Variants in IL1RAPL2 observed in about 807,000 individuals in gnomAD.
IL1RAPL2 encodes interleukin 1 receptor accessory protein like 2, also known as X-linked interleukin-1 receptor accessory protein-like 2.
Under a neutral mutation model 44.1 loss-of-function variants are expected in IL1RAPL2, and 3 were observed. The observed-to-expected ratio is 0.07, with a 90% CI of 0.03 to 0.18. IL1RAPL2 has a LOEUF of 0.18. IL1RAPL2 is among the 10% of genes least tolerant of loss of function. The pLI, the probability that IL1RAPL2 is intolerant of heterozygous loss-of-function variation, is 1.00. For synonymous variants in IL1RAPL2, 181 were observed against 178.8 expected (o/e 1.01, Z -0.10); for missense variants, 391 against 496.4 (o/e 0.79, Z 2.02).
At chrX:104,886,921 C>T (rs1923264745) in intron 2 of IL1RAPL2, among the ~76,000 whole-genome samples, 1 of 112,162 alleles carries the variant, frequency 8.9e-6, no homozygotes, top group Admixed American at 9.5e-5. Context: ...TTGGAAACCT[C>T]ATGCAAGCAG....
intron 2 of IL1RAPL2, among the ~76,000 whole-genome samples, chrX:104,903,715 C>T (rs990839893): frequency 9.1e-6 from 1 of 110,269 alleles, no homozygotes; most frequent in Admixed American, 9.7e-5. Context: ...GTAGCTGGGA[C>T]TACAGGCACG....
intron 2 of IL1RAPL2, among the ~76,000 whole-genome samples, chrX:104,828,912 G>A (rs188595321): frequency 1.6e-4 from 18 of 112,515 alleles, no homozygotes; most frequent in African/African-American, 2.6e-4. Flanking sequence ...ACTTCCTGGC[G>A]GCTTTGTTTA....
intron 2 of IL1RAPL2, among the ~76,000 whole-genome samples, chrX:104,661,041 C>T (rs1046535889): frequency 9.0e-6 from 1 of 111,369 alleles, no homozygotes; most frequent in African/African-American, 3.3e-5. Context: ...TGCTTTGCCT[C>T]TTTATTTTTG....
In IL1RAPL2 at chrX:104,955,063, T is replaced by G. The variant is rs182401389; in HGVS notation, c.83-240412T>G. Among the ~76,000 whole-genome samples the G allele has an allele frequency of 5.9e-3, 653 of 111,621 alleles. 2 individuals carry two copies. Among genetic ancestry groups the G allele is most frequent in the Non-Finnish European group, 9.3e-3 (494 of 53,093 alleles). Reference sequence around the variant, plus strand: ...TACTCAGAAATTCCTAGAAAAAGGGTGGTAACTTCTGGGTGTTGCCATGGT... The same window carrying G: ...TACTCAGAAATTCCTAGAAAAAGGGGGGTAACTTCTGGGTGTTGCCATGGT... On this transcript the variant is annotated intron_variant, in intron 2 of 10. Transcript: ENST00000372582.
intron 5 of IL1RAPL2, among the ~76,000 whole-genome samples, chrX:105,336,583 C>T (rs2035030368): frequency 8.9e-6 from 1 of 111,915 alleles, no homozygotes. Flanking sequence ...TTTCCCAGGA[C>T]TTTGTCCATG....
chrX:105,471,474 G>A (rs1002008393), intron 5 of IL1RAPL2, among the ~76,000 whole-genome samples: 7 of 111,775 alleles, frequency 6.3e-5, no homozygotes, highest in African/African-American at 2.3e-4. Context: ...TGATGCTAAT[G>A]AACATCACAG....
intron 2 of IL1RAPL2, among the ~76,000 whole-genome samples, chrX:105,031,580 C>A (rs1485102365): frequency 8.9e-6 from 1 of 111,761 alleles, no homozygotes; most frequent in East Asian, 2.8e-4. Context: ...AACCTTGCAT[C>A]CCAGGGATGA....
intron 7 of IL1RAPL2, among the ~76,000 whole-genome samples, chrX:105,731,199 T>G (rs2038402796): frequency 9.0e-6 from 1 of 111,182 alleles, no homozygotes; most frequent in Non-Finnish European, 1.9e-5. Flanking sequence ...ACATTACAAC[T>G]GATACCACAG....
At chrX:105,284,223 C>A (rs771773270) in intron 5 of IL1RAPL2, among the ~76,000 whole-genome samples, 159 of 111,938 alleles carry the variant, frequency 1.4e-3, no homozygotes, top group Non-Finnish European at 2.5e-3. Flanking sequence ...ACACAACTTG[C>A]CCAAGGCAAC....
chrX:104,862,661 C>T (rs775247538), intron 2 of IL1RAPL2, among the ~76,000 whole-genome samples: 1 of 111,627 alleles, frequency 9.0e-6, no homozygotes, highest in Non-Finnish European at 1.9e-5. Flanking sequence ...ATCAGTACTT[C>T]GTTATGGTGA....
At chrX:104,668,697 C>A (rs1338667766) in intron 2 of IL1RAPL2, among the ~76,000 whole-genome samples, 6 of 99,261 alleles carry the variant, frequency 6.0e-5, no homozygotes, top group Non-Finnish European at 1.2e-4. Context: ...TTTTTTTTTA[C>A]AGTAAAGGAA....
At chrX:104,725,624 C>T (rs1044399261) in intron 2 of IL1RAPL2, among the ~76,000 whole-genome samples, 3 of 112,283 alleles carry the variant, frequency 2.7e-5, no homozygotes, top group African/African-American at 9.7e-5. Context: ...TTGCATTTCT[C>T]TAATGACCAG....
intron 6 of IL1RAPL2, among the ~76,000 whole-genome samples, chrX:105,700,201 C>T (rs1355086213): frequency 9.0e-6 from 1 of 111,256 alleles, no homozygotes; most frequent in Non-Finnish European, 1.9e-5. Flanking sequence ...GCATTACTTT[C>T]GGCTCCATCA....
At chrX:105,085,223 A>G (rs1389907406) in intron 2 of IL1RAPL2, among the ~76,000 whole-genome samples, 1 of 112,500 alleles carries the variant, frequency 8.9e-6, no homozygotes, top group Non-Finnish European at 1.9e-5. Context: ...GAAGGAAACA[A>G]CAGAGTGAAG....
At chrX:105,497,602 C>T (rs1362253615) in intron 6 of IL1RAPL2, among the ~76,000 whole-genome samples, 1 of 111,625 alleles carries the variant, frequency 9.0e-6, no homozygotes. Flanking sequence ...AATACTAAGG[C>T]CAGACAAAGA....
At chrX:105,193,978 CCAGAGT>C (rs2033654061) in intron 2 of IL1RAPL2, among the ~76,000 whole-genome samples, 1 of 111,362 alleles carries the variant, frequency 9.0e-6, no homozygotes, top group East Asian at 2.8e-4. Context: ...AGATCAGAAA[CCAGAGT>C]TCAAAATCTT....
At chrX:104,574,899 A>T (rs2147989843) in intron 1 of IL1RAPL2, among the ~76,000 whole-genome samples, 1 of 112,242 alleles carries the variant, frequency 8.9e-6, no homozygotes, top group African/African-American at 3.2e-5. Flanking sequence ...AATGTTAATT[A>T]TAGGTGAAAA....
chrX:104,837,597 G>C (rs1352406483), intron 2 of IL1RAPL2, among the ~76,000 whole-genome samples: 1 of 111,647 alleles, frequency 9.0e-6, no homozygotes, highest in Non-Finnish European at 1.9e-5. Flanking sequence ...TTGTAAACTT[G>C]TTTAAGTTTC....
intron 6 of IL1RAPL2, among the ~76,000 whole-genome samples, chrX:105,576,652 T>C (rs941567499): frequency 4.5e-5 from 5 of 111,888 alleles, no homozygotes; most frequent in African/African-American, 1.6e-4. Flanking sequence ...AGAACACTTA[T>C]GTGCAACACC....
Sources: gnomAD v4.1 joint callset for allele counts (sites outside exome capture counted in the v4.1 genomes callset) on GRCh38, gnomAD v4.1.1 for gene constraint, MANE v1.5 for transcripts, NCBI Gene and HGNC (gene_info 2026-07-23, HGNC 2026-07-21) for gene names.